RORA: variants seen among roughly 807,000 people sequenced by gnomAD.
The protein encoded by RORA is RAR related orphan receptor A, also known as nuclear receptor ROR-alpha.
RORA carries 7 observed loss-of-function variants against 69.5 expected under a neutral mutation model. The ratio of observed to expected loss-of-function variants is 0.10; its 90% CI spans 0.06 to 0.19. RORA has a LOEUF of 0.19. Ranked by LOEUF, RORA falls within the 10% of genes least tolerant of loss-of-function variation. The probability of loss-of-function intolerance (pLI) is 1.00; values close to 1 mark genes in which losing one functional copy is unlikely to be tolerated. For synonymous variants in RORA, 261 were observed against 240.8 expected (o/e 1.08, Z -0.78); for missense variants, 457 against 663.0 (o/e 0.69, Z 3.41).
At chr15:60,608,605 G>A (rs1040969514) in intron 2 of RORA, among the ~76,000 whole-genome samples, 2 of 152,180 alleles carry the variant, frequency 1.3e-5, no homozygotes, top group South Asian at 4.1e-4. Flanking sequence ...TATATTTTGA[G>A]AAACACAGGT....
chr15:60,579,459 T>G (rs2068128455), intron 2 of RORA, among the ~76,000 whole-genome samples: 1 of 82,094 alleles, frequency 1.2e-5, no homozygotes, highest in Non-Finnish European at 2.7e-5. Context: ...CTGCCCTTCC[T>G]GCTTAAAAAA....
intron 2 of RORA, among the ~76,000 whole-genome samples, chr15:60,613,096 T>C (rs1322699706): frequency 6.6e-6 from 1 of 152,172 alleles, no homozygotes; most frequent in Non-Finnish European, 1.5e-5. Context: ...AACAAATGTG[T>C]TGCATAAGTC....
At chr15:60,580,754 T>G (rs892579471) in intron 2 of RORA, among the ~76,000 whole-genome samples, 1 of 152,220 alleles carries the variant, frequency 6.6e-6, no homozygotes, top group Non-Finnish European at 1.5e-5. Flanking sequence ...CTCAGTGCAC[T>G]TCCTTTGTCT....
At chr15:61,030,025 G>A (rs1181426006) in intron 1 of RORA, among the ~76,000 whole-genome samples, 7 of 152,144 alleles carry the variant, frequency 4.6e-5, no homozygotes, top group Admixed American at 3.3e-4. Flanking sequence ...ACACTTCATA[G>A]CCTGAAACTG....
intron 1 of RORA, among the ~76,000 whole-genome samples, chr15:60,915,981 A>C (rs1327949655): frequency 6.6e-6 from 1 of 152,270 alleles, no homozygotes; most frequent in Non-Finnish European, 1.5e-5. Flanking sequence ...TTCATAAAAC[A>C]GCAGAGACAT....
At chr15:60,927,016 T>C (rs1050001032) in intron 1 of RORA, among the ~76,000 whole-genome samples, 2 of 152,230 alleles carry the variant, frequency 1.3e-5, no homozygotes, top group South Asian at 2.1e-4. Flanking sequence ...AAGTGTGTTG[T>C]TGATATCAGG....
intron 1 of RORA, among the ~76,000 whole-genome samples, chr15:61,032,560 G>A (rs929467419): frequency 6.6e-6 from 1 of 152,198 alleles, no homozygotes; most frequent in African/African-American, 2.4e-5. Flanking sequence ...CATATGGAGT[G>A]TAATCACACA....
intron 1 of RORA, among the ~76,000 whole-genome samples, chr15:60,724,788 T>C (rs1041227936): frequency 6.6e-5 from 10 of 152,190 alleles, no homozygotes; most frequent in African/African-American, 2.4e-4. Context: ...TAAGAAAGGC[T>C]GGTGTGGGTT....
intron 1 of RORA, among the ~76,000 whole-genome samples, chr15:61,186,284 G>C (rs1024511700): frequency 1.3e-5 from 2 of 152,032 alleles, no homozygotes; most frequent in African/African-American, 4.8e-5. Flanking sequence ...TCAGCCCCAG[G>C]ATTATCCCTG....
At chr15:60,881,504 C>T (rs1393163455) in intron 1 of RORA, among the ~76,000 whole-genome samples, 3 of 152,188 alleles carry the variant, frequency 2.0e-5, no homozygotes, top group African/African-American at 7.2e-5. Context: ...GCGAGGCTGG[C>T]CATTAGAGCT....
chr15:60,784,030 A>C (rs887109760), intron 1 of RORA, among the ~76,000 whole-genome samples: 1 of 152,250 alleles, frequency 6.6e-6, no homozygotes, highest in Non-Finnish European at 1.5e-5. Context: ...CATGCTGGTC[A>C]GTAAACAGTA....
chr15:60,588,014 G>A (rs930755372), intron 2 of RORA, among the ~76,000 whole-genome samples: 2 of 152,172 alleles, frequency 1.3e-5, no homozygotes, highest in Non-Finnish European at 2.9e-5. Flanking sequence ...CTCAGTTCAT[G>A]AATCAAAAGG....
At chr15:60,996,793 G>C (rs1412431299) in intron 1 of RORA, among the ~76,000 whole-genome samples, 15 of 151,834 alleles carry the variant, frequency 9.9e-5, no homozygotes, top group Admixed American at 2.6e-4. Flanking sequence ...GCCTGTAGTC[G>C]CAGCTACTCG....
intron 1 of RORA, among the ~76,000 whole-genome samples, chr15:60,863,571 T>G (rs1271747358): frequency 2.6e-5 from 4 of 152,206 alleles, no homozygotes; most frequent in Non-Finnish European, 5.9e-5. Context: ...GATGGTTTTT[T>G]GTTTTGGCTT....
At chr15:60,938,097 A>C (rs4775326) in intron 1 of RORA, among the ~76,000 whole-genome samples, 1 of 151,840 alleles carries the variant, frequency 6.6e-6, no homozygotes, top group South Asian at 2.1e-4. Context: ...TTGTGTACAC[A>C]AGCTAATGTT....
At chr15:60,936,104 C>T (rs1157610573) in intron 1 of RORA, among the ~76,000 whole-genome samples, 1 of 152,162 alleles carries the variant, frequency 6.6e-6, no homozygotes, top group Non-Finnish European at 1.5e-5. Context: ...AGTAACGAAA[C>T]CATCAGAGTC....
chr15:61,007,500 T>C (rs1325494465), intron 1 of RORA, among the ~76,000 whole-genome samples: 2 of 152,100 alleles, frequency 1.3e-5, no homozygotes, highest in South Asian at 2.1e-4. Flanking sequence ...TTTATTGAAA[T>C]GTTCAATACG....
At chr15:60,976,865 A>T (rs1595856886) in intron 1 of RORA, among the ~76,000 whole-genome samples, 7 of 152,234 alleles carry the variant, frequency 4.6e-5, no homozygotes, top group Admixed American at 3.9e-4. Flanking sequence ...CAGCAACAGC[A>T]GCAGCCATTA....
At chr15:61,170,771 C>T (rs894896754) in intron 1 of RORA, among the ~76,000 whole-genome samples, 3 of 152,164 alleles carry the variant, frequency 2.0e-5, no homozygotes, top group African/African-American at 7.2e-5. Context: ...GTTGTTAATG[C>T]TTAGTTAGGT....
Sources: allele counts gnomAD v4.1 joint callset (sites outside exome capture counted in the v4.1 genomes callset), GRCh38; gene constraint gnomAD v4.1.1; transcripts MANE v1.5; gene names NCBI Gene and HGNC (gene_info 2026-07-23, HGNC 2026-07-21).